The following NEB variants were observed in gnomAD, a reference collection of about 807,000 sequenced individuals.
The protein encoded by NEB is nebulin, also known as nemaline myopathy type 2.
Under a neutral mutation model 952.2 loss-of-function variants are expected in NEB, and 512 were observed. The ratio of observed to expected loss-of-function variants is 0.54; its 90% CI spans 0.50 to 0.58. The LOEUF (loss-of-function observed/expected upper bound fraction) is 0.58, where lower values mean the gene tolerates loss of function less well. Among genes scored for constraint, NEB ranks in the 20% least tolerant of loss-of-function variants. NEB has a pLI of 0.00. For missense variants in NEB, 8,428 were observed against 9,231.1 expected, an observed-to-expected ratio of 0.91 and a Z score of 3.56; for synonymous variants, 2,900 against 3,149.8, an observed-to-expected ratio of 0.92 and a Z score of 2.66.
chr2:151,523,120 A>AAT (rs1310770044), intron 153 of NEB, among the ~76,000 whole-genome samples: 2 of 152,204 alleles, frequency 1.3e-5, no homozygotes, highest in Non-Finnish European at 2.9e-5. Context: ...TAAAAACATT[A>AAT]ACTTTTTGCA....
chr2:151,677,312 C>T (rs1352077313), intron 34 of NEB, among the ~76,000 whole-genome samples: 3 of 151,962 alleles, frequency 2.0e-5, no homozygotes, highest in Non-Finnish European at 4.4e-5. Flanking sequence ...TTCACCATGT[C>T]AAGTTTATTC....
chr2:151,673,171 T>G (rs967354162), intron 36 of NEB, among the ~76,000 whole-genome samples: 7 of 152,168 alleles, frequency 4.6e-5, no homozygotes, highest in African/African-American at 1.7e-4. Flanking sequence ...AAGGACCTGC[T>G]GTGGGGTTTT....
intron 161 of NEB, among the ~76,000 whole-genome samples, chr2:151,510,027 G>A (rs980020721): frequency 6.6e-6 from 1 of 152,176 alleles, no homozygotes; most frequent in African/African-American, 2.4e-5. Context: ...TTGTGTAAGT[G>A]TTCATTCATC....
intron 27 of NEB, among the ~76,000 whole-genome samples, 168 bp from the exon 28 acceptor site, chr2:151,685,143 A>C (rs959441922): frequency 6.6e-6 from 1 of 152,126 alleles, no homozygotes; most frequent in Admixed American, 6.5e-5. Flanking sequence ...AAATTCCCCC[A>C]AAAAGCACGC....
In NEB at chr2:151,492,367, C is replaced by T. The variant is rs368125758; in HGVS notation, c.24873+20G>A. On this transcript the variant is annotated intron_variant, in intron 177 of 181. Transcript: ENST00000397345. ...CATTCTGACAGGCAGCCAGCCAATC[C>T]TAAAGAATTCCTGACTCACCGTTGA... The T allele has an allele frequency of 6.3e-6, 10 of 1,592,854 alleles. No individual in the cohort carries two copies. The highest frequency in any genetic ancestry group is 1.7e-5 in the Admixed American group (1 of 58,222).
chr2:151,637,491 CA>C (rs1206574344), intron 63 of NEB, among the ~76,000 whole-genome samples: 4 of 152,102 alleles, frequency 2.6e-5, no homozygotes, highest in Non-Finnish European at 2.9e-5. Flanking sequence ...GGAAAGCAGC[CA>C]AAAAGTTCTC....
intron 81 of NEB, 59 bp downstream of exon 81, chr2:151,609,750 G>A (rs1410343749): frequency 1.0e-5 from 15 of 1,491,982 alleles, no homozygotes; most frequent in African/African-American, 1.4e-5. Context: ...GGCACTGACT[G>A]GGCAATGAAC....
intron 27 of NEB, among the ~76,000 whole-genome samples, chr2:151,686,247 C>A (rs900904127): frequency 2.0e-5 from 3 of 152,168 alleles, no homozygotes; most frequent in African/African-American, 4.8e-5. Context: ...TTAAAAGATT[C>A]TTTTTAAAAA....
At chr2:151,654,177 T>C (rs2099061182) in intron 51 of NEB, 78 bp from the exon 52 acceptor site, 2 of 805,646 alleles carry the variant, frequency 2.5e-6, no homozygotes, top group East Asian at 2.8e-5. Flanking sequence ...AAAGTTTACC[T>C]ACAGAGTGAA....
At chr2:151,625,839 A>AAT (rs1335090724) in intron 70 of NEB, among the ~76,000 whole-genome samples, 1 of 152,142 alleles carries the variant, frequency 6.6e-6, no homozygotes, top group African/African-American at 2.4e-5. Flanking sequence ...TGAAAAGAAA[A>AAT]ATATATATAT....
chr2:151,553,506 G>A lies in NEB; in HGVS notation c.19627-4C>T, dbSNP rs777846522. The A allele has an allele frequency of 6.3e-7, 1 of 1,596,452 alleles. No homozygotes were observed. Among genetic ancestry groups the A allele is most frequent in the Non-Finnish European group, 8.6e-7 (1 of 1,166,494 alleles). ...TGAGGTCATCCTTGTATACAATCTA[G>A]AGGGTTTTGATAGAAAGGATCAGAA... On this transcript the variant is annotated splice_polypyrimidine_tract_variant and splice_region_variant and intron_variant, in intron 126 of 181. Coordinates refer to ENST00000397345, the MANE Select transcript of NEB (RefSeq NM_001164508.2).
chr2:151,486,917 A>G (rs1035352907), intron 181 of NEB, among the ~76,000 whole-genome samples: 1 of 152,226 alleles, frequency 6.6e-6, no homozygotes, highest in Non-Finnish European at 1.5e-5. Context: ...TCACCAGAAG[A>G]GTTTTGAATA....
At position 151,650,198 on chromosome 2, in the gene NEB, G is replaced by A. The variant is rs751474807; in HGVS notation, c.7409C>T (p.Thr2470Ile). ...CACATCACTCCTATTTTTGGCATTT[G>A]TCTTTGCCAGAACTATATCCATGGC... is the stretch of plus-strand genomic sequence containing the variant. ...PDAMDIVLAK[T>I]NAKNRSDRLY... Residue 2470 changes from threonine to isoleucine, a missense_variant, in exon 54 of 182, where the codon ACA becomes ATA. Transcript: ENST00000397345. 4.3e-6 allele frequency: 7 copies of A among 1,613,704 alleles called. No individual in the cohort carries two copies. The highest frequency in any genetic ancestry group is 2.2e-5 in the East Asian group (1 of 44,888).
In NEB at chr2:151,708,447, C is replaced by T. The variant is rs1577208958; in HGVS notation, c.1035+1209G>A. ...AGACATTTGACACAGTTGATGACTC[C>T]CTTCCCCCTTCACTTGCTTCCCAAC... On this transcript the variant is annotated intron_variant, in intron 12 of 181. Coordinates refer to ENST00000397345, the MANE Select transcript of NEB (RefSeq NM_001164508.2). Among the ~76,000 whole-genome samples the T allele has an allele frequency of 2.0e-5, 3 of 152,170 alleles. No individual in the cohort carries two copies. In the South Asian group the frequency reaches 6.2e-4, roughly 32 times the overall value.
intron 29 of NEB, 91 bp from the exon 30 acceptor site, chr2:151,680,919 G>C: frequency 9.4e-7 from 1 of 1,063,108 alleles, no homozygotes; most frequent in Non-Finnish European, 1.5e-6. Context: ...GAAGCGAAAA[G>C]GAAGAGTTTT....
At chr2:151,486,006 G>T in intron 181 of NEB, 73 bp from the exon 182 acceptor site, 1 of 1,463,354 alleles carries the variant, frequency 6.8e-7, no homozygotes, top group Middle Eastern at 1.7e-4. Context: ...CTATTTGTAA[G>T]ATCTCTCATG....
intron 9 of NEB, among the ~76,000 whole-genome samples, chr2:151,719,865 T>C (rs1404552571): frequency 1.6e-5 from 2 of 124,938 alleles, no homozygotes; most frequent in Non-Finnish European, 3.2e-5. Context: ...CCAGCCTGGG[T>C]GAGAGAGTGA....
chr2:151,612,179 G>T lies in NEB; in HGVS notation c.11805+7C>A. ...ATTCTGGCAACAGAAAACAGCTGGA[G>T]ACTCACCTTGCTCATTGTCAGGGCA... On this transcript the variant is annotated splice_region_variant and intron_variant, in intron 78 of 181. Transcript: ENST00000397345. 6.2e-7 allele frequency: 1 copy of T among 1,611,516 alleles called. No individual in the cohort carries two copies. The highest frequency in any genetic ancestry group is 8.5e-7 in the Non-Finnish European group (1 of 1,178,110).
intron 40 of NEB, 63 bp downstream of exon 40, chr2:151,667,741 G>A (rs550720877): frequency 4.6e-6 from 6 of 1,311,412 alleles, no homozygotes; most frequent in Middle Eastern, 1.9e-4. Context: ...ATGTTGCCCA[G>A]GCTGGTCTTG....
Sources: allele counts gnomAD v4.1 joint callset (sites outside exome capture counted in the v4.1 genomes callset), GRCh38; gene constraint gnomAD v4.1.1; transcripts MANE v1.5; gene names NCBI Gene and HGNC (gene_info 2026-07-23, HGNC 2026-07-21).